LTB4R: variants seen among roughly 807,000 people sequenced by gnomAD.
The protein encoded by LTB4R is leukotriene B4 receptor, also known as leukotriene B4 receptor 1.
For missense variants in LTB4R, 470 were observed against 485.6 expected (o/e 0.97, Z 0.30); for synonymous variants, 250 against 230.7 (o/e 1.08, Z -0.76).
At position 24,311,686 on chromosome 14, in the gene LTB4R, G is replaced by A; in HGVS notation, c.-134G>A. ...CTGAAAGTGGTGGGGCAGGGCCGCG[G>A]CAATGGAGACCCGGGGGGTGGGATG... On this transcript the variant is annotated 5_prime_UTR_variant, in exon 1 of 2. Coordinates refer to ENST00000345363, the MANE Select transcript of LTB4R (RefSeq NM_001143919.3). The A allele has an allele frequency of 6.2e-7, 1 of 1,609,082 alleles. No individual in the cohort carries two copies. Among genetic ancestry groups the A allele is most frequent in the Non-Finnish European group, 8.5e-7 (1 of 1,176,790 alleles).
Position 24,311,623 on chromosome 14 carries a change from C to T in LTB4R, c.-197C>T, listed in dbSNP as rs567098575. 4 of 1,613,200 alleles carry T rather than the reference C, an allele frequency of 2.5e-6. No homozygotes were observed. In the East Asian group the frequency reaches 6.7e-5, roughly 27 times the overall value. On this transcript the variant is annotated 5_prime_UTR_variant, in exon 1 of 2. Transcript: ENST00000345363. ...GGGGAGGCCCGAGGGGGCGGCCGCT[C>T]TAGGGAAGGGACCATGGAGCTCCGA...
In LTB4R at chr14:24,317,977, A is replaced by G. The variant is rs528520641; in HGVS notation, c.*1267A>G. ...CTCGCCCATTCTGTATGGTGAGCAC[A>G]TAATAGGTACTTATTTAGTGTTTGT... On this transcript the variant is annotated 3_prime_UTR_variant, in exon 2 of 2. Transcript: ENST00000345363. The G allele has an allele frequency of 4.9e-6, 1 of 204,036 alleles. No homozygotes were observed. Among genetic ancestry groups the G allele is most frequent in the South Asian group, 9.0e-5 (1 of 11,162 alleles). The allele number at this position is 204,036 out of a possible 1,614,324, so 12.6% of individuals were successfully genotyped here.
intron 1 of LTB4R, chr14:24,313,938 C>T (rs1441865346): frequency 2.6e-5 from 4 of 152,164 alleles, no homozygotes; most frequent in African/African-American, 9.7e-5. Context: ...AGGAGACATT[C>T]CTCTGTCCAG....
Position 24,316,918 on chromosome 14 carries a change from A to G in LTB4R, c.*208A>G, listed in dbSNP as rs2041781845. ...CTGGCTCCCACAGGCAGCTTTAACC[A>G]TTAAAACTGAAGTCTGAAATTTGGT... On this transcript the variant is annotated 3_prime_UTR_variant, in exon 2 of 2. Coordinates refer to ENST00000345363, the MANE Select transcript of LTB4R (RefSeq NM_001143919.3). 4.4e-6 allele frequency: 2 copies of G among 453,966 alleles called. No individual in the cohort carries two copies. Among genetic ancestry groups the G allele is most frequent in the Non-Finnish European group, 8.0e-6 (2 of 249,778 alleles). The allele number at this position is 453,966 out of a possible 1,614,324, so 28.1% of individuals were successfully genotyped here.
At position 24,311,655 on chromosome 14, in the gene LTB4R, C is replaced by T. The variant is rs2041709400; in HGVS notation, c.-165C>T. 1 of 1,613,000 alleles carries T rather than the reference C, an allele frequency of 6.2e-7. No individual in the cohort carries two copies. The highest frequency in any genetic ancestry group is 8.5e-7 in the Non-Finnish European group (1 of 1,179,504). On this transcript the variant is annotated 5_prime_UTR_variant, in exon 1 of 2. Coordinates refer to ENST00000345363, the MANE Select transcript of LTB4R (RefSeq NM_001143919.3). ...AGGGACCATGGAGCTCCGAACTACC[C>T]CTCAGCTGAAAGTGGTGGGGCAGGG...
chr14:24,316,538 CGG>C lies in LTB4R; in HGVS notation c.889_890del (p.Gly297ArgfsTer29). On this transcript the variant is annotated frameshift_variant, in exon 2 of 2. Coordinates refer to ENST00000345363, the MANE Select transcript of LTB4R (RefSeq NM_001143919.3). LOFTEE classifies it low-confidence loss of function (END_TRUNC). ...GCCGGCGGCGGCCTGCTGCGCTCGG[CGG>C]GCGTGGGCTTCGTCGCCAAGCTGCT... 6.9e-7 allele frequency: 1 copy of C among 1,442,290 alleles called. No homozygotes were observed. The highest frequency in any genetic ancestry group is 9.0e-7 in the Non-Finnish European group (1 of 1,105,412). 89.3% of individuals were successfully genotyped at this position (1,442,290 alleles called of 1,614,324 possible). A position where few individuals can be genotyped will look rare whatever the true frequency, so the allele number is the denominator to read the frequency against.
rs534535394 is a variant in LTB4R, at chr14:24,317,933, C to T, written c.*1223C>T. The T allele has an allele frequency of 1.7e-5, 3 of 178,090 alleles. No homozygotes were observed. The highest frequency in any genetic ancestry group is 5.7e-5 in the Admixed American group (1 of 17,554). The allele number at this position is 178,090 out of a possible 1,614,324, so 11.0% of individuals were successfully genotyped here. ...GCAGCTGAAACTGGGAGGGACCTAA[C>T]GGAGTATTTCCCAGTCCTCTCGCCC... On this transcript the variant is annotated 3_prime_UTR_variant, in exon 2 of 2. Transcript: ENST00000345363.
intron 1 of LTB4R, chr14:24,314,281 T>G (rs1303730355): frequency 6.6e-6 from 1 of 152,166 alleles, no homozygotes; most frequent in Non-Finnish European, 1.5e-5. Flanking sequence ...CCAAAGAGAA[T>G]GGAGAATTGG....
In LTB4R at chr14:24,316,546, G is replaced by A; in HGVS notation, c.895G>A (p.Gly299Ser). 6.9e-7 allele frequency: 1 copy of A among 1,438,976 alleles called. No individual in the cohort carries two copies. Among genetic ancestry groups the A allele is most frequent in the Non-Finnish European group, 9.1e-7 (1 of 1,103,986 alleles). The allele number at this position is 1,438,976 out of a possible 1,614,324, so 89.1% of individuals were successfully genotyped here. The change falls in exon 2 of 2, where the codon GGC (glycine) becomes AGC (serine). Residue 299 changes from glycine to serine, a missense_variant. Gly to Ser is a moderately conservative substitution (Grantham distance 56). Coordinates refer to ENST00000345363, the MANE Select transcript of LTB4R (RefSeq NM_001143919.3). ...CGGCCTGCTGCGCTCGGCGGGCGTGGGCTTCGTCGCCAAGCTGCTGGAGGG... is the reference window on the plus strand; with the variant it reads ...CGGCCTGCTGCGCTCGGCGGGCGTGAGCTTCGTCGCCAAGCTGCTGGAGGG... Reference protein sequence around the residue: ...GGGLLRSAGVGFVAKLLEGTG... With the variant: ...GGGLLRSAGVSFVAKLLEGTG...
At position 24,315,902 on chromosome 14, in the gene LTB4R, G is replaced by A; in HGVS notation, c.251G>A (p.Ser84Asn). The A allele has an allele frequency of 3.7e-6, 6 of 1,614,192 alleles. No homozygotes were observed. Among genetic ancestry groups the A allele is most frequent in the Non-Finnish European group, 5.1e-6 (6 of 1,180,042 alleles). ...CACTTCCTGGCCCAAGGCACCTGGA[G>A]TTTTGGACTGGCTGGTTGCCGCCTG... ...FLHFLAQGTW[S>N]FGLAGCRLCH... Residue 84 changes from serine (S) to asparagine (N), a missense_variant, in exon 2 of 2, where the codon AGT becomes AAT. By Grantham distance (46) the Ser-to-Asn change is conservative. Coordinates refer to ENST00000345363, the MANE Select transcript of LTB4R (RefSeq NM_001143919.3).
rs1328727529 is a variant in LTB4R at position 24,311,678 on chromosome 14, G to C, written c.-142G>C. The C allele has an allele frequency of 3.1e-6, 5 of 1,610,642 alleles. No homozygotes were observed. In the Admixed American group the frequency reaches 6.7e-5, roughly 22 times the overall value. ...CCCCTCAGCTGAAAGTGGTGGGGCA[G>C]GGCCGCGGCAATGGAGACCCGGGGG... On this transcript the variant is annotated 5_prime_UTR_variant, in exon 1 of 2. Coordinates refer to ENST00000345363, the MANE Select transcript of LTB4R (RefSeq NM_001143919.3).
chr14:24,311,558 G>A lies in LTB4R; in HGVS notation c.-262G>A, dbSNP rs2041706599. 6.2e-7 allele frequency: 1 copy of A among 1,608,700 alleles called. No homozygotes were observed. The highest frequency in any genetic ancestry group is 1.7e-5 in the Admixed American group (1 of 60,008). ...TCACCGCTGGAGATCTGCTGCCCCG[G>A]GCAGGTCCCCGTTTCCTCACGCGGC... On this transcript the variant is annotated 5_prime_UTR_variant, in exon 1 of 2. Transcript: ENST00000345363.
In LTB4R at chr14:24,315,778, A is replaced by C. The variant is rs773986398; in HGVS notation, c.127A>C (p.Ile43Leu). The C allele has an allele frequency of 1.9e-6, 3 of 1,614,208 alleles. No homozygotes were observed. In the South Asian group the frequency reaches 3.3e-5, roughly 18 times the overall value. ...LPGNSFVVWS[I>L]LKRMQKRSVT... ...CGGCAACAGCTTTGTGGTGTGGAGTATCCTGAAAAGGATGCAGAAGCGCTC... is the reference window on the plus strand; with the variant it reads ...CGGCAACAGCTTTGTGGTGTGGAGTCTCCTGAAAAGGATGCAGAAGCGCTC... Residue 43 changes from isoleucine (I) to leucine (L), a missense_variant, in exon 2 of 2, where the codon ATC becomes CTC. Coordinates refer to ENST00000345363, the MANE Select transcript of LTB4R (RefSeq NM_001143919.3).
Position 24,311,648 on chromosome 14 carries a change from A to G in LTB4R, c.-172A>G, listed in dbSNP as rs777633406. ...CTAGGGAAGGGACCATGGAGCTCCGAACTACCCCTCAGCTGAAAGTGGTGG... is the reference window on the plus strand; with the variant it reads ...CTAGGGAAGGGACCATGGAGCTCCGGACTACCCCTCAGCTGAAAGTGGTGG... On this transcript the variant is annotated 5_prime_UTR_variant, in exon 1 of 2. Transcript: ENST00000345363. The G allele has an allele frequency of 1.9e-6, 3 of 1,613,304 alleles. No homozygotes were observed. Among genetic ancestry groups the G allele is most frequent in the Non-Finnish European group, 1.7e-6 (2 of 1,179,772 alleles).
chr14:24,311,880 TG>T, intron 1 of LTB4R, 76 bp downstream of exon 1: 1 of 788,000 alleles, frequency 1.3e-6, no homozygotes, highest in South Asian at 2.0e-5. Context: ...ACTATACACT[TG>T]GGGCAGGCCC....
In LTB4R at chr14:24,316,196, T is replaced by G. The variant is rs1310850562; in HGVS notation, c.545T>G (p.Leu182Arg). 4 of 1,613,724 alleles carry G rather than the reference T, an allele frequency of 2.5e-6. No individual in the cohort carries two copies. The Admixed American group carries it at 6.7e-5, about 27-fold the overall frequency. The change falls in exon 2 of 2, where the codon CTA becomes CGA. Residue 182 changes from leucine (L) to arginine (R), a missense_variant. Transcript: ENST00000345363. ...AGCGAAGGGCACCGGGCCTTCCATC[T>G]AATCTTCGAGGCTGTCACGGGCTTC... The part of the protein sequence containing the change: ...YPSEGHRAFH[L>R]IFEAVTGFLL...
chr14:24,311,630 A>G lies in LTB4R; in HGVS notation c.-190A>G, dbSNP rs1252415550. 6.2e-7 allele frequency: 1 copy of G among 1,613,464 alleles called. No individual in the cohort carries two copies. Among genetic ancestry groups the G allele is most frequent in the Admixed American group, 1.7e-5 (1 of 60,012 alleles). On this transcript the variant is annotated 5_prime_UTR_variant, in exon 1 of 2. Transcript: ENST00000345363. ...CCCGAGGGGGCGGCCGCTCTAGGGA[A>G]GGGACCATGGAGCTCCGAACTACCC... is the stretch of plus-strand genomic sequence containing the variant.
chr14:24,313,087 A>G (rs1350099999), intron 1 of LTB4R, among the ~76,000 whole-genome samples: 1 of 152,196 alleles, frequency 6.6e-6, no homozygotes, highest in East Asian at 1.9e-4. Context: ...CTAGAACAGC[A>G]GGGAGTATGC....
rs1449944315 is a variant in LTB4R at position 24,315,999 on chromosome 14, A to G, written c.348A>G (p.Ser116=). ...TCACGGCCATGAGTCTAGACCGCTC[A>G]CTGGCGGTGGCCCGCCCCTTTGTGT... is the stretch of plus-strand genomic sequence containing the variant. The part of the protein sequence containing the change: ...LLITAMSLDR[S]LAVARPFVSQ... The change falls in exon 2 of 2, where the codon TCA becomes TCG. Residue 116 remains serine, a synonymous_variant. Transcript: ENST00000345363. The G allele has an allele frequency of 3.1e-6, 5 of 1,613,934 alleles. No homozygotes were observed. Among genetic ancestry groups the G allele is most frequent in the African/African-American group, 1.3e-5 (1 of 75,070 alleles).
Sources: allele counts gnomAD v4.1 joint callset (sites outside exome capture counted in the v4.1 genomes callset), GRCh38; gene constraint gnomAD v4.1.1; transcripts MANE v1.5; gene names NCBI Gene and HGNC (gene_info 2026-07-23, HGNC 2026-07-21).